Variants in CNTN1 observed in about 807,000 individuals in gnomAD.
CNTN1 encodes the protein contactin-1.
A neutral mutation model predicts 126.4 loss-of-function variants in CNTN1; 38 were observed. That is an observed-to-expected ratio of 0.30 (90% CI 0.23 to 0.39). The LOEUF is 0.39. Among genes scored for constraint, CNTN1 ranks in the 10% least tolerant of loss-of-function variants. The pLI is 1.00. For missense variants in CNTN1, 1,009 were observed against 1,248.4 expected (o/e 0.81, Z 2.89); for synonymous variants, 413 against 422.6 (o/e 0.98, Z 0.28).
chr12:41,043,789 C>T (rs1401662347), intron 23 of CNTN1, among the ~76,000 whole-genome samples: 1 of 151,014 alleles, frequency 6.6e-6, no homozygotes, highest in South Asian at 2.1e-4. Flanking sequence ...GAAAATGTGG[C>T]ACATATACAC....
chr12:40,711,733 A>T (rs1941918459), intron 1 of CNTN1, among the ~76,000 whole-genome samples: 2 of 151,208 alleles, frequency 1.3e-5, no homozygotes, highest in Non-Finnish European at 2.9e-5. Context: ...TTTTTAAGAG[A>T]CAGGATCTTG....
At chr12:41,037,654 T>C (rs1949295675) in intron 23 of CNTN1, among the ~76,000 whole-genome samples, 1 of 141,710 alleles carries the variant, frequency 7.1e-6, no homozygotes, top group South Asian at 2.3e-4. Flanking sequence ...AAGGGGTTTG[T>C]GTGTTTAATA....
chr12:40,850,946 TTTGA>T (rs1422040184), intron 1 of CNTN1, among the ~76,000 whole-genome samples: 1 of 152,196 alleles, frequency 6.6e-6, no homozygotes, highest in Non-Finnish European at 1.5e-5. Context: ...ACAAAAACCA[TTTGA>T]TTGGCACGAA....
chr12:41,023,932 A>G (rs1363393615), intron 20 of CNTN1, among the ~76,000 whole-genome samples: 1 of 152,180 alleles, frequency 6.6e-6, no homozygotes, highest in Non-Finnish European at 1.5e-5. Flanking sequence ...TGAACAGGAA[A>G]GAGGGGAGCT....
At chr12:40,971,758 C>T in intron 15 of CNTN1, 1 of 1,235,494 alleles carries the variant, frequency 8.1e-7, no homozygotes, top group Non-Finnish European at 1.0e-6. Context: ...ATATAATGGC[C>T]AAGTGAAAGT....
At chr12:40,771,499 G>A (rs968137125) in intron 1 of CNTN1, among the ~76,000 whole-genome samples, 9 of 152,004 alleles carry the variant, frequency 5.9e-5, no homozygotes, top group African/African-American at 2.2e-4. Context: ...AGAGGGATAT[G>A]TTCTTATTTA....
chr12:41,049,543 A>G (rs554841156), intron 23 of CNTN1, among the ~76,000 whole-genome samples: 3 of 152,374 alleles, frequency 2.0e-5, no homozygotes, highest in Middle Eastern at 3.4e-3. Context: ...CTCTGCTGCT[A>G]CCATCATAGG....
chr12:40,754,314 A>C (rs1938517801), intron 1 of CNTN1, among the ~76,000 whole-genome samples: 1 of 152,124 alleles, frequency 6.6e-6, no homozygotes, highest in Non-Finnish European at 1.5e-5. Flanking sequence ...TACAGGTATC[A>C]AAATTCACAA....
chr12:41,002,490 T>C (rs1346082159), intron 17 of CNTN1, among the ~76,000 whole-genome samples: 1 of 152,128 alleles, frequency 6.6e-6, no homozygotes, highest in African/African-American at 2.4e-5. Context: ...TGATTTTGTA[T>C]CTTGAGACTT....
chr12:41,012,823 C>G (rs561782511), intron 17 of CNTN1, among the ~76,000 whole-genome samples: 1 of 152,284 alleles, frequency 6.6e-6, no homozygotes, highest in East Asian at 1.9e-4. Context: ...CTCCTCTACT[C>G]ATTGTTTCAA....
intron 1 of CNTN1, among the ~76,000 whole-genome samples, chr12:40,806,995 CT>C (rs1185915988): frequency 6.6e-6 from 1 of 152,008 alleles, no homozygotes; most frequent in Non-Finnish European, 1.5e-5. Flanking sequence ...AGTTATAGAA[CT>C]TTTTTGACTA....
At chr12:40,931,594 C>A (rs2136913053) in intron 7 of CNTN1, among the ~76,000 whole-genome samples, 1 of 152,118 alleles carries the variant, frequency 6.6e-6, no homozygotes, top group East Asian at 1.9e-4. Context: ...TTACTTCTCT[C>A]CAAAACCTTC....
chr12:40,777,379 A>G (rs1399539331), intron 1 of CNTN1, among the ~76,000 whole-genome samples: 3 of 151,644 alleles, frequency 2.0e-5, no homozygotes, highest in African/African-American at 7.3e-5. Flanking sequence ...GGAAAGGCTA[A>G]TGTTACATAT....
At chr12:40,857,432 G>C (rs1364912474) in intron 1 of CNTN1, among the ~76,000 whole-genome samples, 2 of 152,008 alleles carry the variant, frequency 1.3e-5, no homozygotes, top group East Asian at 3.9e-4. Flanking sequence ...GAGGTTTGTG[G>C]GCAGTGGAGA....
Position 40,916,346 on chromosome 12 carries a change from T to C in CNTN1, c.95-2293T>C, listed in dbSNP as rs1263624233. ...TGCTCCAGTCAGAAACCCTGTGCAA[T>C]TGGGAGAGACTCAAGGAATAGCTTA... On this transcript the variant is annotated intron_variant, in intron 3 of 23. Transcript: ENST00000551295. Among the ~76,000 whole-genome samples the C allele has an allele frequency of 3.3e-5, 5 of 152,172 alleles. No individual in the cohort carries two copies. The East Asian group carries it at 9.7e-4, about 29-fold the overall frequency.
intron 1 of CNTN1, among the ~76,000 whole-genome samples, chr12:40,896,745 C>A (rs1391559535): frequency 6.6e-6 from 1 of 152,118 alleles, no homozygotes; most frequent in Non-Finnish European, 1.5e-5. Flanking sequence ...AGTGGCCTTG[C>A]ATTTAAAAAG....
At chr12:41,055,204 A>G (rs1949776784) in intron 23 of CNTN1, among the ~76,000 whole-genome samples, 1 of 152,144 alleles carries the variant, frequency 6.6e-6, no homozygotes, top group Admixed American at 6.6e-5. Flanking sequence ...TATACATGAG[A>G]GGATCAACTA....
At chr12:41,030,762 C>T (rs1430866473) in intron 23 of CNTN1, among the ~76,000 whole-genome samples, 1 of 152,060 alleles carries the variant, frequency 6.6e-6, no homozygotes. Context: ...AATTTCTATT[C>T]CTATTATCAT....
intron 17 of CNTN1, among the ~76,000 whole-genome samples, chr12:41,011,563 A>G (rs1168193176): frequency 6.6e-6 from 1 of 152,160 alleles, no homozygotes; most frequent in East Asian, 1.9e-4. Context: ...TGTGCTGCCC[A>G]TGGTTGCAGG....
Sources: gnomAD v4.1 joint callset for allele counts (sites outside exome capture counted in the v4.1 genomes callset) on GRCh38, gnomAD v4.1.1 for gene constraint, MANE v1.5 for transcripts, NCBI Gene and HGNC (gene_info 2026-07-23, HGNC 2026-07-21) for gene names.